Variants in ACTL8 observed in about 807,000 individuals in gnomAD.
The protein encoded by ACTL8 is actin-like protein 8.
Under a neutral mutation model 9.3 loss-of-function variants are expected in ACTL8, and 3 were observed. That is an observed-to-expected ratio of 0.32 (90% CI 0.15 to 0.83). The LOEUF (loss-of-function observed/expected upper bound fraction) is 0.83. ACTL8 is among the 40% of genes least tolerant of loss of function. The probability of loss-of-function intolerance (pLI) is 0.57; values close to 1 mark genes in which losing one functional copy is unlikely to be tolerated. For missense variants in ACTL8, 381 were observed against 492.2 expected, an observed-to-expected ratio of 0.77 and a Z score of 2.14; for synonymous variants, 224 against 205.9, an observed-to-expected ratio of 1.09 and a Z score of -0.75.
At chr1:17,799,918 A>G (rs1390771386) in intron 1 of ACTL8, among the ~76,000 whole-genome samples, 4 of 147,480 alleles carry the variant, frequency 2.7e-5, no homozygotes, top group African/African-American at 7.6e-5. Flanking sequence ...AGGAGGTTCT[A>G]TTTCTGAGCT....
At chr1:17,782,223 G>A (rs1198775302) in intron 1 of ACTL8, among the ~76,000 whole-genome samples, 1 of 152,152 alleles carries the variant, frequency 6.6e-6, no homozygotes, top group Non-Finnish European at 1.5e-5. Flanking sequence ...TGAGGACAGG[G>A]GGAGGGAACA....
chr1:17,797,937 A>C (rs535054504), intron 1 of ACTL8, among the ~76,000 whole-genome samples: 29 of 152,216 alleles, frequency 1.9e-4, no homozygotes, highest in African/African-American at 6.3e-4. Context: ...GGAGGCGAGG[A>C]GGTGGGAGCA....
intron 1 of ACTL8, among the ~76,000 whole-genome samples, chr1:17,787,146 T>A (rs1353465423): frequency 6.6e-6 from 1 of 152,130 alleles, no homozygotes; most frequent in Non-Finnish European, 1.5e-5. Context: ...CTCATATAGA[T>A]CTCTTTCATA....
Position 17,826,614 on chromosome 1 carries a change from G to C in ACTL8, c.*95G>C. 7.8e-7 allele frequency: 1 copy of C among 1,278,684 alleles called. No individual in the cohort carries two copies. The highest frequency in any genetic ancestry group is 1.0e-6 in the Non-Finnish European group (1 of 958,048). The allele number at this position is 1,278,684 out of a possible 1,614,324, so 79.2% of individuals were successfully genotyped here. On this transcript the variant is annotated 3_prime_UTR_variant, in exon 3 of 3. Transcript: ENST00000375406. The surrounding 1 kb of genome is among the most constrained non-coding windows in gnomAD (Gnocchi z 4.5). ...TTCTGGGTGGGGGTAGAATGAGGTG[G>C]GGTGGGGTGAGCTGGCTTTGGAATT... is the stretch of plus-strand genomic sequence containing the variant.
chr1:17,758,921 T>C (rs2065983848), intron 1 of ACTL8, among the ~76,000 whole-genome samples: 1 of 152,236 alleles, frequency 6.6e-6, no homozygotes, highest in Non-Finnish European at 1.5e-5. Context: ...TTATAGTCTT[T>C]AGGTGACAGA....
intron 1 of ACTL8, among the ~76,000 whole-genome samples, chr1:17,785,927 C>G (rs1157255674): frequency 6.6e-6 from 1 of 152,158 alleles, no homozygotes; most frequent in Non-Finnish European, 1.5e-5. Flanking sequence ...GGGCTGTGTT[C>G]TCATCTAGAG....
chr1:17,815,146 T>C (rs917890787), intron 1 of ACTL8, among the ~76,000 whole-genome samples: 3 of 152,256 alleles, frequency 2.0e-5, no homozygotes. Context: ...GGCTATACCA[T>C]ACAACCTAGG....
intron 1 of ACTL8, among the ~76,000 whole-genome samples, chr1:17,799,134 G>A (rs1431961877): frequency 2.0e-5 from 3 of 152,144 alleles, no homozygotes; most frequent in Non-Finnish European, 2.9e-5. Context: ...GGTTTCTCTG[G>A]GGGGTGTGCC....
chr1:17,804,807 G>A (rs1193756502), intron 1 of ACTL8, among the ~76,000 whole-genome samples: 1 of 151,946 alleles, frequency 6.6e-6, no homozygotes, highest in Non-Finnish European at 1.5e-5. Flanking sequence ...GTAGAAATGG[G>A]GTTTCACCAT....
intron 1 of ACTL8, among the ~76,000 whole-genome samples, chr1:17,787,686 A>G (rs1439761663): frequency 4.0e-5 from 6 of 149,898 alleles, no homozygotes; most frequent in African/African-American, 7.4e-5. Context: ...TTTTTTTGCC[A>G]TAATAAATAG....
chr1:17,772,051 A>G (rs957042194), intron 1 of ACTL8, among the ~76,000 whole-genome samples: 3 of 152,292 alleles, frequency 2.0e-5, no homozygotes, highest in African/African-American at 7.2e-5. Context: ...ATGCAGCGCT[A>G]ACCTTCGCTG....
intron 1 of ACTL8, among the ~76,000 whole-genome samples, chr1:17,798,937 C>A (rs1002947793): frequency 1.3e-5 from 2 of 152,192 alleles, no homozygotes; most frequent in Non-Finnish European, 2.9e-5. Context: ...ATCTACCCCA[C>A]ACGCTGTTTG....
intron 1 of ACTL8, among the ~76,000 whole-genome samples, chr1:17,803,141 C>G (rs971423642): frequency 2.0e-5 from 3 of 152,044 alleles, no homozygotes; most frequent in African/African-American, 7.3e-5. Context: ...TACCCCCATG[C>G]TATTCTCGTA....
At position 17,804,719 on chromosome 1, in the gene ACTL8, C is replaced by G. The variant is rs193302229; in HGVS notation, c.-24-18266C>G. On this transcript the variant is annotated intron_variant, in intron 1 of 2. Transcript: ENST00000375406. ...GCAACCTCTGCCTCCTGGGTTCAAG[C>G]GATTCTTCTGCCTTAGCCTCCTGAG... 4.8e-4 allele frequency among the ~76,000 whole-genome samples: 73 copies of G among 151,986 alleles called. No homozygotes were observed. In the East Asian group the frequency reaches 0.012, roughly 26 times the overall value.
intron 1 of ACTL8, among the ~76,000 whole-genome samples, chr1:17,792,698 A>G (rs2066248794): frequency 6.6e-6 from 1 of 152,138 alleles, no homozygotes; most frequent in African/African-American, 2.4e-5. Context: ...GGAGATCGTG[A>G]GGCTCTTTCC....
chr1:17,778,221 A>G (rs1353776180), intron 1 of ACTL8, among the ~76,000 whole-genome samples: 2 of 152,126 alleles, frequency 1.3e-5, no homozygotes, highest in East Asian at 1.9e-4. Flanking sequence ...GTAAACAGAA[A>G]GGGTTTATCC....
intron 1 of ACTL8, among the ~76,000 whole-genome samples, chr1:17,787,940 G>A (rs1334644255): frequency 6.6e-6 from 1 of 152,170 alleles, no homozygotes; most frequent in Non-Finnish European, 1.5e-5. Flanking sequence ...GTTTTGTGGG[G>A]GCTGAGAGGT....
chr1:17,766,304 G>A (rs538961728), intron 1 of ACTL8, among the ~76,000 whole-genome samples: 156 of 152,292 alleles, frequency 1.0e-3, no homozygotes, highest in Middle Eastern at 6.8e-3. Flanking sequence ...TAGCAGCCTC[G>A]TGAGGCTGGG....
At chr1:17,761,175 T>A (rs2065999772) in intron 1 of ACTL8, among the ~76,000 whole-genome samples, 1 of 149,062 alleles carries the variant, frequency 6.7e-6, no homozygotes, top group East Asian at 2.0e-4. Flanking sequence ...AAGGTCTTGC[T>A]ATGTTGCCCA....
Sources: gnomAD v4.1 joint callset for allele counts (sites outside exome capture counted in the v4.1 genomes callset) on GRCh38, gnomAD v4.1.1 for gene constraint, Gnocchi (gnomAD v3.1) non-coding constraint, MANE v1.5 for transcripts, NCBI Gene and HGNC (gene_info 2026-07-23, HGNC 2026-07-21) for gene names.